HIVEP2: variants seen among roughly 807,000 people sequenced by gnomAD.
HIVEP2 encodes HIVEP zinc finger 2.
A neutral mutation model predicts 180.7 loss-of-function variants in HIVEP2; 14 were observed. The ratio of observed to expected loss-of-function variants is 0.08; its 90% CI spans 0.05 to 0.12. HIVEP2 has a LOEUF of 0.12. HIVEP2 is among the 10% of genes least tolerant of loss of function. The pLI, the probability that HIVEP2 is intolerant of heterozygous loss-of-function variation, is 1.00. For missense variants in HIVEP2, 2,579 were observed against 3,008.5 expected (o/e 0.86, Z 3.34); for synonymous variants, 1,184 against 1,136.4 (o/e 1.04, Z -0.84).
intron 2 of HIVEP2, among the ~76,000 whole-genome samples, chr6:142,792,077 C>G (rs1303626356): frequency 6.6e-6 from 1 of 152,064 alleles, no homozygotes; most frequent in East Asian, 1.9e-4. Context: ...AGTCTGTCTG[C>G]CTAGAACATT....
chr6:142,857,371 C>T (rs533354804), intron 1 of HIVEP2, among the ~76,000 whole-genome samples: 7 of 152,294 alleles, frequency 4.6e-5, no homozygotes, highest in South Asian at 4.1e-4. Context: ...ACTGCATATT[C>T]GCCAAATGCT....
intron 2 of HIVEP2, among the ~76,000 whole-genome samples, chr6:142,823,347 G>A (rs1421477851): frequency 6.6e-6 from 1 of 152,070 alleles, no homozygotes; most frequent in African/African-American, 2.4e-5. Flanking sequence ...TAAACCCCGC[G>A]ACAACGGTTT....
intron 1 of HIVEP2, among the ~76,000 whole-genome samples, chr6:142,933,683 G>A (rs148762356): frequency 6.6e-6 from 1 of 152,284 alleles, no homozygotes; most frequent in East Asian, 1.9e-4. Context: ...ACCAACTGAT[G>A]ACTGAAAAGA....
intron 3 of HIVEP2, among the ~76,000 whole-genome samples, chr6:142,781,811 C>T (rs1312655838): frequency 6.6e-6 from 1 of 152,052 alleles, no homozygotes; most frequent in East Asian, 1.9e-4. Flanking sequence ...AAACAGCCTC[C>T]TAGATGGACC....
upstream of HIVEP2, among the ~76,000 whole-genome samples, chr6:142,945,543 C>T (rs1336043115): frequency 6.6e-6 from 1 of 152,208 alleles, no homozygotes; most frequent in East Asian, 1.9e-4. This position sits in a 1 kb window ranked among gnomAD's most constrained non-coding sequence, Gnocchi z 5.5. Flanking sequence ...GGTGGCCGGT[C>T]CGCCCTCCGC....
At chr6:142,784,430 G>C (rs924457986) in intron 2 of HIVEP2, among the ~76,000 whole-genome samples, 1 of 152,108 alleles carries the variant, frequency 6.6e-6, no homozygotes, top group Non-Finnish European at 1.5e-5. Flanking sequence ...AACATTCAAA[G>C]TGCTTAAAGG....
intron 2 of HIVEP2, among the ~76,000 whole-genome samples, chr6:142,793,677 C>G (rs12174368): frequency 1.6e-5 from 2 of 125,044 alleles, no homozygotes; most frequent in East Asian, 2.7e-4. Context: ...CTTTCTTTCT[C>G]TCTCTCTCTC....
At chr6:142,764,668 A>G (rs972806739) in intron 7 of HIVEP2, 131 bp downstream of exon 7, 1 of 735,456 alleles carries the variant, frequency 1.4e-6, no homozygotes, top group South Asian at 1.8e-5. Flanking sequence ...GGGAGAAAAT[A>G]TATTTCGTGG....
chr6:142,816,688 C>A (rs144948553), intron 2 of HIVEP2, among the ~76,000 whole-genome samples: 1 of 152,154 alleles, frequency 6.6e-6, no homozygotes, highest in Non-Finnish European at 1.5e-5. Flanking sequence ...CCAAGCCTCC[C>A]CTGGCTCAAA....
At chr6:142,838,974 T>C (rs576410215) in intron 1 of HIVEP2, among the ~76,000 whole-genome samples, 2 of 152,264 alleles carry the variant, frequency 1.3e-5, no homozygotes, top group East Asian at 1.9e-4. Context: ...GTGACTTCAA[T>C]CTACTTAGGA....
intron 2 of HIVEP2, among the ~76,000 whole-genome samples, chr6:142,793,696 T>TCTCTCTCTCTCTCC (rs1296777765): frequency 6.7e-6 from 1 of 148,554 alleles, no homozygotes. Flanking sequence ...TCTCTCTCTC[T>TCTCTCTCTCTCTCC]CTGTCTGTCT....
intron 1 of HIVEP2, among the ~76,000 whole-genome samples, chr6:142,856,733 C>T (rs1020653844): frequency 3.9e-5 from 6 of 152,312 alleles, no homozygotes; most frequent in Middle Eastern, 3.4e-3. Flanking sequence ...TAGGTTATAT[C>T]ACTCAACTTT....
At chr6:142,889,666 T>C (rs1165928086) in intron 1 of HIVEP2, among the ~76,000 whole-genome samples, 4 of 152,208 alleles carry the variant, frequency 2.6e-5, no homozygotes, top group Non-Finnish European at 5.9e-5. Flanking sequence ...TGGAATAACA[T>C]ACACTGTGTG....
chr6:142,764,189 A>G (rs1424412174), intron 7 of HIVEP2, among the ~76,000 whole-genome samples: 1 of 152,238 alleles, frequency 6.6e-6, no homozygotes, highest in African/African-American at 2.4e-5. Context: ...ATATTTTTAC[A>G]TAAATCTACC....
At chr6:142,923,288 G>GCCA (rs1311180828) in intron 1 of HIVEP2, among the ~76,000 whole-genome samples, 2 of 151,280 alleles carry the variant, frequency 1.3e-5, no homozygotes, top group African/African-American at 4.9e-5. Context: ...CTGAGATCGT[G>GCCA]CCACTGTACT....
At chr6:142,788,920 T>C (rs1269366067) in intron 2 of HIVEP2, among the ~76,000 whole-genome samples, 1 of 152,220 alleles carries the variant, frequency 6.6e-6, no homozygotes, top group African/African-American at 2.4e-5. Context: ...AATATTTAAA[T>C]AAAACTATAT....
intron 3 of HIVEP2, among the ~76,000 whole-genome samples, chr6:142,777,912 C>G (rs890957236): frequency 4.6e-5 from 7 of 152,128 alleles, no homozygotes; most frequent in African/African-American, 1.7e-4. Flanking sequence ...AATTTTCTCC[C>G]TAACATCGAA....
At chr6:142,944,446 C>T (rs1316979703) in intron 1 of HIVEP2, among the ~76,000 whole-genome samples, 1 of 151,020 alleles carries the variant, frequency 6.6e-6, no homozygotes, top group African/African-American at 2.5e-5. Flanking sequence ...CACACACACA[C>T]GCACACACCC....
At chr6:142,885,431 T>G (rs1776672328) in intron 1 of HIVEP2, among the ~76,000 whole-genome samples, 1 of 152,066 alleles carries the variant, frequency 6.6e-6, no homozygotes, top group African/African-American at 2.4e-5. Flanking sequence ...CTTCAAGCAT[T>G]CAGGGAATTT....
Sources: allele counts gnomAD v4.1 joint callset (sites outside exome capture counted in the v4.1 genomes callset), GRCh38; gene constraint gnomAD v4.1.1; non-coding constraint Gnocchi (gnomAD v3.1); transcripts MANE v1.5; gene names NCBI Gene and HGNC (gene_info 2026-07-23, HGNC 2026-07-21).